ADGRL3: variants seen among roughly 807,000 people sequenced by gnomAD.
The protein encoded by ADGRL3 is calcium-independent alpha-latrotoxin receptor 3.
A neutral mutation model predicts 153.5 loss-of-function variants in ADGRL3; 62 were observed. The ratio of observed to expected loss-of-function variants is 0.40; its 90% CI spans 0.33 to 0.50. The LOEUF (loss-of-function observed/expected upper bound fraction) is 0.50. Ranked by LOEUF, ADGRL3 falls within the 20% of genes least tolerant of loss-of-function variation. ADGRL3 has a pLI of 0.47. For synonymous variants in ADGRL3, 710 were observed against 672.5 expected, an observed-to-expected ratio of 1.06 and a Z score of -0.86; for missense variants, 1,641 against 1,859.4, an observed-to-expected ratio of 0.88 and a Z score of 2.16.
intron 2 of ADGRL3, among the ~76,000 whole-genome samples, chr4:61,463,570 G>T (rs1328608352): frequency 7.9e-5 from 12 of 152,060 alleles, no homozygotes; most frequent in Admixed American, 7.9e-4. Context: ...ATGAGATTTG[G>T]GTGGGGACAT....
intron 1 of ADGRL3, among the ~76,000 whole-genome samples, chr4:61,320,858 G>T (rs2095340891): frequency 6.6e-6 from 1 of 152,086 alleles, no homozygotes; most frequent in Non-Finnish European, 1.5e-5. Context: ...GTTCTCACTG[G>T]CTTAAAACCA....
At chr4:61,877,501 A>G (rs150734255) in intron 9 of ADGRL3, among the ~76,000 whole-genome samples, 1 of 152,204 alleles carries the variant, frequency 6.6e-6, no homozygotes, top group African/African-American at 2.4e-5. Context: ...TGTACATGAG[A>G]TAAAATTGCA....
At chr4:61,571,092 T>C (rs115636802) in intron 4 of ADGRL3, among the ~76,000 whole-genome samples, 1,646 of 152,044 alleles carry the variant, frequency 0.011, 27 homozygotes, top group African/African-American at 0.038. Flanking sequence ...ATGCAAGAGA[T>C]GATCTTAGGG....
At chr4:62,008,577 G>T (rs1581860441) in intron 21 of ADGRL3, among the ~76,000 whole-genome samples, 2 of 151,788 alleles carry the variant, frequency 1.3e-5, no homozygotes, top group Non-Finnish European at 2.9e-5. Context: ...ACCTAGAAAA[G>T]AATTATGTAA....
Position 61,732,948 on chromosome 4 carries a change from A to G in ADGRL3, c.793A>G (p.Thr265Ala), listed in dbSNP as rs370533278. The change falls in exon 8 of 27, where the codon ACT (threonine) becomes GCT (alanine). Residue 265 changes from threonine to alanine, a missense_variant. Physicochemically the swap from Thr to Ala is moderately conservative, Grantham distance 58. This residue lies in a region of ADGRL3 where 213 missense variants were observed against 362.1 expected (regional missense o/e 0.59). Transcript: ENST00000683033. ...SKDDFIAGRP[T>A]TTYKLPHRVD... is the part of the protein sequence containing the mutation. ...GGATGACTTCATTGCTGGAAGACCA[A>G]CTACAACCTACAAGCTCCCTCACAG... The G allele has an allele frequency of 1.4e-5, 23 of 1,613,626 alleles. No homozygotes were observed. Among genetic ancestry groups the G allele is most frequent in the Non-Finnish European group, 1.9e-5 (22 of 1,179,816 alleles).
chr4:61,554,705 A>T (rs2098757445), intron 4 of ADGRL3, among the ~76,000 whole-genome samples: 1 of 152,164 alleles, frequency 6.6e-6, no homozygotes, highest in Admixed American at 6.6e-5. Flanking sequence ...GGCCATACTG[A>T]ATTAAACTGT....
chr4:61,331,209 G>T (rs2095565776), intron 1 of ADGRL3, among the ~76,000 whole-genome samples: 1 of 152,114 alleles, frequency 6.6e-6, no homozygotes, highest in Admixed American at 6.6e-5. Flanking sequence ...TATAACTCTA[G>T]TATAAATACC....
intron 2 of ADGRL3, among the ~76,000 whole-genome samples, chr4:61,415,267 A>C (rs1290352573): frequency 1.3e-5 from 2 of 151,980 alleles, no homozygotes; most frequent in African/African-American, 4.8e-5. Flanking sequence ...CAATACATTC[A>C]TGGTTGTCTT....
chr4:61,976,079 T>A (rs991729820), intron 17 of ADGRL3, among the ~76,000 whole-genome samples: 4 of 152,184 alleles, frequency 2.6e-5, no homozygotes, highest in African/African-American at 9.7e-5. Context: ...AAATATTTTT[T>A]ATAGATTTTT....
chr4:61,857,061 T>C lies in ADGRL3; in HGVS notation c.1481-35595T>C, dbSNP rs374196408. ...CCTTCCCTTTCTCCCTCCCTCCCTC[T>C]CTCTCTCTTTCTTTCTTTCTTTTTT... is the stretch of plus-strand genomic sequence containing the variant. On this transcript the variant is annotated intron_variant, in intron 9 of 26. Transcript: ENST00000683033. Among the ~76,000 whole-genome samples, 26 of 149,910 alleles carry C rather than the reference T, an allele frequency of 1.7e-4. No homozygotes were observed. In the East Asian group the frequency reaches 5.0e-3, roughly 29 times the overall value.
In ADGRL3 at chr4:61,510,317, C is replaced by G. The variant is rs564699752; in HGVS notation, c.56-6998C>G. On this transcript the variant is annotated intron_variant, in intron 3 of 26. Transcript: ENST00000683033. ...TGTTGCAATTGTTTTTGAGGACAGT[C>G]ATAAATTCTTTCTTAAGGCTGATGT... Among the ~76,000 whole-genome samples, 17 of 152,182 alleles carry G rather than the reference C, an allele frequency of 1.1e-4. No homozygotes were observed. In the South Asian group the frequency reaches 1.7e-3, roughly 15 times the overall value.
intron 2 of ADGRL3, among the ~76,000 whole-genome samples, chr4:61,479,721 A>T (rs955961787): frequency 6.6e-6 from 1 of 152,154 alleles, no homozygotes; most frequent in Non-Finnish European, 1.5e-5. Context: ...TAGAGGTGAA[A>T]TGACCATAAT....
At chr4:61,791,627 C>T (rs1480947839) in intron 8 of ADGRL3, among the ~76,000 whole-genome samples, 2 of 152,232 alleles carry the variant, frequency 1.3e-5, no homozygotes, top group Non-Finnish European at 2.9e-5. Context: ...GGCAGTGTCC[C>T]AGTAGGGACT....
chr4:61,615,853 A>G (rs1429396591), intron 5 of ADGRL3, among the ~76,000 whole-genome samples: 1 of 152,104 alleles, frequency 6.6e-6, no homozygotes, highest in African/African-American at 2.4e-5. Flanking sequence ...AGTCTGATTT[A>G]CTGTTCTCAT....
At chr4:61,983,719 A>G (rs925887397) in intron 19 of ADGRL3, 116 bp downstream of exon 19, 27 of 846,254 alleles carry the variant, frequency 3.2e-5, no homozygotes, top group Middle Eastern at 3.6e-4. Context: ...GCAAATGTGT[A>G]TAATTCAATC....
chr4:61,342,459 A>T (rs890299447), intron 1 of ADGRL3, among the ~76,000 whole-genome samples: 1 of 152,090 alleles, frequency 6.6e-6, no homozygotes, highest in Admixed American at 6.6e-5. Context: ...ATGCTTTGTC[A>T]ACTTCTGGGT....
chr4:61,783,842 A>T (rs575461290), intron 8 of ADGRL3, among the ~76,000 whole-genome samples: 53 of 152,244 alleles, frequency 3.5e-4, no homozygotes, highest in African/African-American at 1.3e-3. Flanking sequence ...ATTTTTATTT[A>T]AATGAGATAT....
intron 2 of ADGRL3, among the ~76,000 whole-genome samples, chr4:61,421,830 T>C (rs2097210985): frequency 6.6e-6 from 1 of 152,162 alleles, no homozygotes; most frequent in Admixed American, 6.5e-5. Flanking sequence ...ATGAAGATTT[T>C]AGTATTTATT....
intron 2 of ADGRL3, among the ~76,000 whole-genome samples, chr4:61,481,571 C>T (rs1186163847): frequency 1.3e-5 from 2 of 151,132 alleles, no homozygotes; most frequent in East Asian, 3.9e-4. Flanking sequence ...CCATGGAAAC[C>T]TTAATGTTAG....
Sources: allele counts gnomAD v4.1 joint callset (sites outside exome capture counted in the v4.1 genomes callset), GRCh38; gene constraint gnomAD v4.1.1; regional missense constraint gnomAD v4.1.1; transcripts MANE v1.5; gene names NCBI Gene and HGNC (gene_info 2026-07-23, HGNC 2026-07-21).